ZMYM4: variants seen among roughly 807,000 people sequenced by gnomAD.
The protein encoded by ZMYM4 is zinc finger MYM-type containing 4.
Under a neutral mutation model 183.2 loss-of-function variants are expected in ZMYM4, and 31 were observed. The observed-to-expected ratio is 0.17, with a 90% CI of 0.13 to 0.23. The LOEUF (loss-of-function observed/expected upper bound fraction) is 0.23. Among genes scored for constraint, ZMYM4 ranks in the 10% least tolerant of loss-of-function variants. The pLI is 1.00. For missense variants in ZMYM4, 1,273 were observed against 1,840.3 expected, an observed-to-expected ratio of 0.69 and a Z score of 5.64; for synonymous variants, 592 against 631.2, an observed-to-expected ratio of 0.94 and a Z score of 0.93.
chr1:35,393,723 C>G lies in ZMYM4; in HGVS notation c.2895C>G (p.Asn965Lys). The change falls in exon 18 of 30, where the codon AAC (asparagine) becomes AAG (lysine). Residue 965 changes from asparagine (N) to lysine (K), a missense_variant. Physicochemically the swap from Asn to Lys is moderately conservative, Grantham distance 94. This residue lies in a region of ZMYM4 where 290 missense variants were observed against 353.3 expected (regional missense o/e 0.82). Coordinates refer to ENST00000314607, the MANE Select transcript of ZMYM4 (RefSeq NM_005095.3). ...KATSCKPHTQ[N>K]KECQTEDTPS... ...CCTCTTGCAAACCACATACCCAAAACAAAGAATGCCAGACAGGTATGTTCC... is the reference window on the plus strand; with the variant it reads ...CCTCTTGCAAACCACATACCCAAAAGAAAGAATGCCAGACAGGTATGTTCC... The G allele has an allele frequency of 6.2e-7, 1 of 1,608,060 alleles. No individual in the cohort carries two copies. The highest frequency in any genetic ancestry group is 8.5e-7 in the Non-Finnish European group (1 of 1,177,380).
chr1:35,317,716 A>G (rs1369983428), intron 1 of ZMYM4, among the ~76,000 whole-genome samples: 2 of 152,190 alleles, frequency 1.3e-5, no homozygotes, highest in African/African-American at 2.4e-5. Flanking sequence ...GATTCCAGAG[A>G]TTACTTAAGG....
intron 2 of ZMYM4, among the ~76,000 whole-genome samples, chr1:35,333,943 C>T (rs58607057): frequency 1.3e-5 from 2 of 150,846 alleles, no homozygotes; most frequent in Non-Finnish European, 2.9e-5. Context: ...CCACAATGAA[C>T]AATGATACAT....
chr1:35,312,246 A>G (rs1348405025), intron 1 of ZMYM4, among the ~76,000 whole-genome samples: 1 of 152,142 alleles, frequency 6.6e-6, no homozygotes, highest in Non-Finnish European at 1.5e-5. Context: ...TTGAATCTGC[A>G]GATATCTATC....
At chr1:35,281,154 C>T (rs1435436926) in intron 1 of ZMYM4, among the ~76,000 whole-genome samples, 3 of 151,634 alleles carry the variant, frequency 2.0e-5, no homozygotes, top group African/African-American at 2.4e-5. Flanking sequence ...CGTGGTGGCA[C>T]GTGCCTGTAA....
intron 3 of ZMYM4, among the ~76,000 whole-genome samples, chr1:35,360,433 A>G (rs1280986434): frequency 2.6e-5 from 4 of 152,114 alleles, no homozygotes; most frequent in African/African-American, 2.4e-5. Context: ...TCTTCTAACA[A>G]TGCTAGGAAA....
chr1:35,307,376 G>A (rs1249597252), intron 1 of ZMYM4, among the ~76,000 whole-genome samples: 1 of 152,020 alleles, frequency 6.6e-6, no homozygotes, highest in Non-Finnish European at 1.5e-5. Flanking sequence ...CCTTGGTACA[G>A]TGTCTGGCTG....
At chr1:35,320,182 G>T (rs1642223645) in intron 1 of ZMYM4, among the ~76,000 whole-genome samples, 1 of 152,210 alleles carries the variant, frequency 6.6e-6, no homozygotes, top group Non-Finnish European at 1.5e-5. Flanking sequence ...TTAGGGCCAG[G>T]CCTTTCCATA....
chr1:35,312,265 A>T (rs1193696699), intron 1 of ZMYM4, among the ~76,000 whole-genome samples: 1 of 152,088 alleles, frequency 6.6e-6, no homozygotes, highest in African/African-American at 2.4e-5. Context: ...TCTGTCTTTC[A>T]TCAAATTTGG....
intron 1 of ZMYM4, among the ~76,000 whole-genome samples, chr1:35,313,394 T>TTC (rs989888607): frequency 2.7e-5 from 4 of 147,932 alleles, no homozygotes; most frequent in Non-Finnish European, 6.0e-5. Flanking sequence ...CTTTTTCTTT[T>TTC]TTTTTTTTTT....
At chr1:35,378,820 A>G (rs968385546) in intron 7 of ZMYM4, among the ~76,000 whole-genome samples, 4 of 152,184 alleles carry the variant, frequency 2.6e-5, no homozygotes, top group African/African-American at 4.8e-5. Flanking sequence ...TGTCTTAGCT[A>G]GATGTTCTTG....
intron 1 of ZMYM4, among the ~76,000 whole-genome samples, chr1:35,317,666 G>A (rs936521356): frequency 2.0e-5 from 3 of 152,162 alleles, no homozygotes; most frequent in African/African-American, 7.2e-5. Flanking sequence ...TGGTAAAGAT[G>A]CTAGAACAGA....
At chr1:35,324,999 T>G (rs1642445331) in intron 1 of ZMYM4, among the ~76,000 whole-genome samples, 1 of 152,148 alleles carries the variant, frequency 6.6e-6, no homozygotes, top group Admixed American at 6.5e-5. Context: ...TCAGTTTTGA[T>G]GGGAAGTTTT....
chr1:35,402,612 C>T lies in ZMYM4; in HGVS notation c.3529-2411C>T, dbSNP rs759376692. Among the ~76,000 whole-genome samples the T allele has an allele frequency of 2.0e-5, 3 of 151,614 alleles. No individual in the cohort carries two copies. In the East Asian group the frequency reaches 5.8e-4, roughly 29 times the overall value. ...CTAGTCTGGGCGACAGAGCGAGACC[C>T]TGTCTCAAAAAAAAAGAAAAACAAT... is the stretch of plus-strand genomic sequence containing the variant. On this transcript the variant is annotated intron_variant, in intron 23 of 29. Transcript: ENST00000314607.
At chr1:35,321,172 C>T (rs1224874463) in intron 1 of ZMYM4, among the ~76,000 whole-genome samples, 4 of 152,150 alleles carry the variant, frequency 2.6e-5, no homozygotes, top group Non-Finnish European at 5.9e-5. Flanking sequence ...GCATTCCCAA[C>T]TTGGGAGTAA....
intron 2 of ZMYM4, among the ~76,000 whole-genome samples, chr1:35,352,382 T>G (rs1228327017): frequency 2.4e-5 from 2 of 82,582 alleles, no homozygotes; most frequent in African/African-American, 6.8e-5. Context: ...ATTTAAAAAT[T>G]AGCGCACACA....
At position 35,358,946 on chromosome 1, in the gene ZMYM4, A is replaced by G. The variant is rs1643884205; in HGVS notation, c.107A>G (p.Glu36Gly). The G allele has an allele frequency of 6.2e-7, 1 of 1,612,652 alleles. No individual in the cohort carries two copies. Among genetic ancestry groups the G allele is most frequent in the Non-Finnish European group, 8.5e-7 (1 of 1,179,034 alleles). Residue 36 changes from glutamate (E) to glycine (G), a missense_variant, in exon 3 of 30, where the codon GAA (glutamate) becomes GGA (glycine). This residue lies in a region of ZMYM4 where 384 missense variants were observed against 465.6 expected (regional missense o/e 0.82). Transcript: ENST00000314607. ...VENCGGIMDT[E>G]MSEDIDHNLT... ...TAAGGTGGTGGTATCATGGATACAG[A>G]AATGTCTGAAGATATAGACCACAAC... is the stretch of plus-strand genomic sequence containing the variant.
At chr1:35,274,736 T>C (rs1639787404) in intron 1 of ZMYM4, among the ~76,000 whole-genome samples, 2 of 152,094 alleles carry the variant, frequency 1.3e-5, no homozygotes, top group African/African-American at 4.8e-5. Flanking sequence ...ATGATAATAC[T>C]TGGTATTATA....
intron 1 of ZMYM4, among the ~76,000 whole-genome samples, chr1:35,289,051 G>A (rs573148230): frequency 1.3e-5 from 2 of 152,266 alleles, no homozygotes; most frequent in South Asian, 2.1e-4. Flanking sequence ...TTGTGCTAGT[G>A]GTGGGGGTAA....
At chr1:35,346,946 G>A (rs1456382807) in intron 2 of ZMYM4, among the ~76,000 whole-genome samples, 1 of 151,992 alleles carries the variant, frequency 6.6e-6, no homozygotes, top group African/African-American at 2.4e-5. Flanking sequence ...ATCATTCTTA[G>A]CTTAGAGCCA....
Sources: gnomAD v4.1 joint callset for allele counts (sites outside exome capture counted in the v4.1 genomes callset) on GRCh38, gnomAD v4.1.1 for gene constraint, gnomAD v4.1.1 regional missense constraint, MANE v1.5 for transcripts, NCBI Gene and HGNC (gene_info 2026-07-23, HGNC 2026-07-21) for gene names.